The following SLC14A2 variants were observed in gnomAD, a reference collection of about 807,000 sequenced individuals.
SLC14A2 encodes the protein solute carrier family 14 member 2.
A neutral mutation model predicts 104.6 loss-of-function variants in SLC14A2; 91 were observed. The ratio of observed to expected loss-of-function variants is 0.87; its 90% CI spans 0.73 to 1.04. SLC14A2 has a LOEUF of 1.04. Ranked by LOEUF, SLC14A2 falls within the 50% of genes least tolerant of loss-of-function variation. SLC14A2 has a pLI of 0.00. For synonymous variants in SLC14A2, 476 were observed against 466.4 expected, an observed-to-expected ratio of 1.02 and a Z score of -0.27; for missense variants, 1,189 against 1,156.0, an observed-to-expected ratio of 1.03 and a Z score of -0.41.
At chr18:45,436,556 T>A (rs1182485414) in intron 1 of SLC14A2, 1 of 152,134 alleles carries the variant, frequency 6.6e-6, no homozygotes. Context: ...TCCCTACAAT[T>A]TTTTTCTCCT....
chr18:45,385,030 C>T (rs1012588387), intron 1 of SLC14A2, among the ~76,000 whole-genome samples: 7 of 152,114 alleles, frequency 4.6e-5, no homozygotes, highest in Non-Finnish European at 7.4e-5. Context: ...AGTTGGATGT[C>T]GGGAGAACAT....
At chr18:45,415,108 T>C in intron 1 of SLC14A2, among the ~76,000 whole-genome samples, 1 of 152,100 alleles carries the variant, frequency 6.6e-6, no homozygotes, top group East Asian at 1.9e-4. Flanking sequence ...ATATACTTGC[T>C]AACCCTGACA....
chr18:45,422,230 T>C (rs1372133066), intron 1 of SLC14A2, among the ~76,000 whole-genome samples: 2 of 152,128 alleles, frequency 1.3e-5, no homozygotes, highest in Non-Finnish European at 2.9e-5. Flanking sequence ...AGGAAGAAGC[T>C]GGATCCAAGG....
intron 2 of SLC14A2, among the ~76,000 whole-genome samples, chr18:45,491,132 G>A (rs73437837): frequency 0.19 from 28,333 of 152,016 alleles, 3,147 homozygotes; most frequent in African/African-American, 0.31. Flanking sequence ...CTCTTACTCC[G>A]GTGTGTAATA....
chr18:45,621,580 C>T (rs556804090), intron 1 of SLC14A2, among the ~76,000 whole-genome samples: 2 of 152,314 alleles, frequency 1.3e-5, no homozygotes, highest in East Asian at 1.9e-4. Context: ...TGCTCACAGT[C>T]GCTTCCTCCC....
At chr18:45,240,091 CTTTTTT>C (rs763802776) in intron 1 of SLC14A2, among the ~76,000 whole-genome samples, 3 of 89,652 alleles carry the variant, frequency 3.3e-5, no homozygotes, top group East Asian at 3.2e-4. Context: ...GCAAATATCT[CTTTTTT>C]TTTTTTTTTT....
intron 1 of SLC14A2, among the ~76,000 whole-genome samples, chr18:45,382,778 C>T (rs1293358238): frequency 6.6e-5 from 10 of 152,228 alleles, no homozygotes; most frequent in Admixed American, 5.9e-4. Context: ...TTTTACTTCA[C>T]GTAGCTCTTT....
the SLC14A2 span, among the ~76,000 whole-genome samples, chr18:45,192,139 G>T: frequency 6.6e-6 from 1 of 152,216 alleles, no homozygotes; most frequent in Middle Eastern, 3.4e-3. Context: ...ATCTTGTCCG[G>T]ATTCTAAAAT....
intron 1 of SLC14A2, among the ~76,000 whole-genome samples, chr18:45,384,745 A>T (rs996703949): frequency 8.5e-5 from 13 of 152,196 alleles, no homozygotes; most frequent in African/African-American, 2.4e-4. Context: ...TGCAAGTGGA[A>T]AGCCACAAAA....
chr18:45,495,436 C>G (rs2043077701), intron 2 of SLC14A2, among the ~76,000 whole-genome samples: 1 of 152,110 alleles, frequency 6.6e-6, no homozygotes, highest in Non-Finnish European at 1.5e-5. Flanking sequence ...TTGACTGGTC[C>G]CTAGTCAGCA....
At chr18:45,575,942 C>T (rs147906825) in intron 2 of SLC14A2, among the ~76,000 whole-genome samples, 12 of 152,128 alleles carry the variant, frequency 7.9e-5, no homozygotes, top group African/African-American at 2.4e-4. Flanking sequence ...CCTGGTGCCC[C>T]GGCTGGGGAG....
At chr18:45,329,960 T>G (rs927510843) in intron 1 of SLC14A2, among the ~76,000 whole-genome samples, 1 of 152,190 alleles carries the variant, frequency 6.6e-6, no homozygotes, top group Non-Finnish European at 1.5e-5. Flanking sequence ...TTTATTGAGG[T>G]TATGTTGTGT....
intron 1 of SLC14A2, among the ~76,000 whole-genome samples, chr18:45,357,490 G>A (rs574396460): frequency 6.6e-4 from 101 of 152,086 alleles, no homozygotes; most frequent in African/African-American, 1.8e-3. Flanking sequence ...TGGCACATGC[G>A]TGAGCCCAGG....
chr18:45,294,290 C>T (rs761120325), intron 1 of SLC14A2, among the ~76,000 whole-genome samples: 1 of 152,114 alleles, frequency 6.6e-6, no homozygotes, highest in Non-Finnish European at 1.5e-5. Context: ...CTCAGCTATG[C>T]CATAGGGCCT....
At chr18:45,260,499 CAT>C (rs1764923420) in intron 1 of SLC14A2, among the ~76,000 whole-genome samples, 2 of 152,262 alleles carry the variant, frequency 1.3e-5, no homozygotes, top group Admixed American at 6.5e-5. Flanking sequence ...TGTCAAAAGA[CAT>C]ATGCACTCAT....
intron 16 of SLC14A2, among the ~76,000 whole-genome samples, chr18:45,672,657 T>G (rs1315120880): frequency 6.6e-6 from 1 of 152,322 alleles, no homozygotes; most frequent in East Asian, 1.9e-4. Context: ...GATAAATGCC[T>G]CACGCTCATA....
intron 2 of SLC14A2, among the ~76,000 whole-genome samples, chr18:45,561,220 G>A (rs1030282840): frequency 6.6e-6 from 1 of 152,126 alleles, no homozygotes; most frequent in Non-Finnish European, 1.5e-5. Context: ...GACATTCTGG[G>A]TAGGAGGGTG....
intron 4 of SLC14A2, among the ~76,000 whole-genome samples, chr18:45,630,294 C>T (rs184987849): frequency 5.3e-5 from 8 of 152,278 alleles, no homozygotes; most frequent in Non-Finnish European, 8.8e-5. Flanking sequence ...TAAGGAGCCA[C>T]GAGCTCACTG....
intron 2 of SLC14A2, chr18:45,542,504 T>C (rs113712932): frequency 5.3e-5 from 8 of 152,320 alleles, no homozygotes; most frequent in African/African-American, 1.9e-4. Context: ...TCCGTGAAAC[T>C]TCTGCAGTGG....
Sources: gnomAD v4.1 joint callset for allele counts (sites outside exome capture counted in the v4.1 genomes callset) on GRCh38, gnomAD v4.1.1 for gene constraint, MANE v1.5 for transcripts, NCBI Gene and HGNC (gene_info 2026-07-23, HGNC 2026-07-21) for gene names.